The following GPR65 variants were observed in gnomAD, a reference collection of about 807,000 sequenced individuals.
GPR65 encodes G protein-coupled receptor 65.
A neutral mutation model predicts 0.7 loss-of-function variants in GPR65; 2 were observed. That is an observed-to-expected ratio of 2.83 (90% CI 1.16 to 8.92). The LOEUF is 8.92. GPR65 is among the 30% of genes most tolerant of loss of function. The probability of loss-of-function intolerance (pLI) is 0.04; values close to 1 mark genes in which losing one functional copy is unlikely to be tolerated. For missense variants in GPR65, 379 were observed against 399.4 expected, an observed-to-expected ratio of 0.95 and a Z score of 0.43; for synonymous variants, 128 against 146.5, an observed-to-expected ratio of 0.87 and a Z score of 0.91.
At chr14:88,005,792 C>T (rs753322962) in intron 1 of GPR65, among the ~76,000 whole-genome samples, 1 of 152,096 alleles carries the variant, frequency 6.6e-6, no homozygotes, top group Non-Finnish European at 1.5e-5. Context: ...AAATATTGTA[C>T]TTTTGGTCAT....
chr14:88,008,040 G>A (rs1489679649), intron 1 of GPR65, among the ~76,000 whole-genome samples: 1 of 152,058 alleles, frequency 6.6e-6, no homozygotes, highest in Non-Finnish European at 1.5e-5. Flanking sequence ...TATGAGGATA[G>A]AAATAAGATC....
In GPR65 at chr14:88,010,378, T is replaced by C. The variant is rs931413874; in HGVS notation, c.-459-11T>C. The C allele has an allele frequency of 6.4e-6, 1 of 155,376 alleles. No homozygotes were observed. Among genetic ancestry groups the C allele is most frequent in the Non-Finnish European group, 1.4e-5 (1 of 69,966 alleles). The allele number at this position is 155,376 out of a possible 1,614,324, so 9.6% of individuals were successfully genotyped here. ...AACATCTAAACAATTTTAATTCATC[T>C]TTCATTACAGAAGGAAAGGAATTTT... On this transcript the variant is annotated splice_polypyrimidine_tract_variant and intron_variant, in intron 1 of 1. Transcript: ENST00000267549.
chr14:88,008,081 C>A (rs1368526727), intron 1 of GPR65, among the ~76,000 whole-genome samples: 26 of 152,248 alleles, frequency 1.7e-4, no homozygotes, highest in Non-Finnish European at 1.3e-4. Context: ...TATGTTCCAT[C>A]TGTGGGTAAA....
chr14:88,011,412 T>C lies in GPR65; in HGVS notation c.565T>C (p.Cys189Arg). 6.2e-7 allele frequency: 1 copy of C among 1,613,988 alleles called. No individual in the cohort carries two copies. The highest frequency in any genetic ancestry group is 8.5e-7 in the Non-Finnish European group (1 of 1,179,856). ...AATCAACCTCAACTTGTTCAGGACG[T>C]GTACAGGCTATGCAATACCTTTGGT... ...WQINLNLFRT[C>R]TGYAIPLVTI... Residue 189 changes from cysteine to arginine, a missense_variant, in exon 2 of 2, where the codon TGT (cysteine) becomes CGT (arginine). By Grantham distance (180) the Cys-to-Arg change is radical. Coordinates refer to ENST00000267549, the MANE Select transcript of GPR65 (RefSeq NM_003608.4).
chr14:88,007,661 A>T (rs943421228), intron 1 of GPR65, among the ~76,000 whole-genome samples: 1 of 150,322 alleles, frequency 6.7e-6, no homozygotes, highest in Non-Finnish European at 1.5e-5. Flanking sequence ...GTTTCTTTAA[A>T]CATATTAAAC....
intron 1 of GPR65, among the ~76,000 whole-genome samples, chr14:88,009,349 T>G (rs1346390419): frequency 6.6e-6 from 1 of 152,216 alleles, no homozygotes; most frequent in East Asian, 1.9e-4. Context: ...ATTTTATTCC[T>G]GTTTTTTAGG....
intron 1 of GPR65, among the ~76,000 whole-genome samples, chr14:88,005,796 T>C (rs908238996): frequency 1.3e-5 from 2 of 152,218 alleles, no homozygotes; most frequent in African/African-American, 4.8e-5. Context: ...ATTGTACTTT[T>C]GGTCATCGTC....
intron 1 of GPR65, among the ~76,000 whole-genome samples, chr14:88,009,851 A>G (rs1165301661): frequency 6.6e-6 from 1 of 152,220 alleles, no homozygotes; most frequent in East Asian, 1.9e-4. Flanking sequence ...GATAAACAGA[A>G]GTAGGATTGT....
intron 1 of GPR65, among the ~76,000 whole-genome samples, chr14:88,007,792 A>ATGTGTG (rs3994051): frequency 0.024 from 3,267 of 136,184 alleles, 82 homozygotes; most frequent in South Asian, 0.066. Context: ...CTCTGTGTGT[A>ATGTGTG]TGTGTGTGTG....
chr14:88,011,158 T>A lies in GPR65; in HGVS notation c.311T>A (p.Phe104Tyr), dbSNP rs745560553. ...MYMNFYSSTAFLTCIAVDRYL... is the reference protein window; with the variant it reads ...MYMNFYSSTAYLTCIAVDRYL... ...ATGAATTTTTACAGCAGCACAGCAT[T>A]CCTCACCTGCATTGCCGTTGATCGG... The change falls in exon 2 of 2, where the codon TTC becomes TAC. Residue 104 changes from phenylalanine to tyrosine, a missense_variant. Transcript: ENST00000267549. 1.9e-6 allele frequency: 3 copies of A among 1,613,766 alleles called. No individual in the cohort carries two copies. Among genetic ancestry groups the A allele is most frequent in the Non-Finnish European group, 2.5e-6 (3 of 1,179,758 alleles).
In GPR65 at chr14:88,013,355, G is replaced by C. The variant is rs993168022; in HGVS notation, c.*1494G>C. On this transcript the variant is annotated 3_prime_UTR_variant, in exon 2 of 2. Transcript: ENST00000267549. ...CGTGAGCCACCATGCCTGGCAAAGA[G>C]AGTCTTGATACAACATATTCTTTTG... 1.3e-5 allele frequency: 2 copies of C among 152,094 alleles called. No individual in the cohort carries two copies. The highest frequency in any genetic ancestry group is 4.8e-5 in the African/African-American group (2 of 41,398). The allele number at this position is 152,094 out of a possible 1,614,324, so 9.4% of individuals were successfully genotyped here.
chr14:88,007,713 C>G (rs1056704836), intron 1 of GPR65, among the ~76,000 whole-genome samples: 6 of 150,002 alleles, frequency 4.0e-5, no homozygotes, highest in Non-Finnish European at 7.4e-5. Flanking sequence ...AATTTTATCT[C>G]TAAAGTTTTG....
At position 88,011,594 on chromosome 14, in the gene GPR65, C is replaced by A; in HGVS notation, c.747C>A (p.Arg249=). 6.2e-7 allele frequency: 1 copy of A among 1,614,072 alleles called. No homozygotes were observed. Among genetic ancestry groups the A allele is most frequent in the Non-Finnish European group, 8.5e-7 (1 of 1,179,958 alleles). The change falls in exon 2 of 2, where the codon CGC becomes CGA. Residue 249 remains arginine, a synonymous_variant. Coordinates refer to ENST00000267549, the MANE Select transcript of GPR65 (RefSeq NM_003608.4). The part of the protein sequence containing the change: ...FTPFHVMLLI[R]CILEHAVNFE... ...CCTTTCATGTGATGTTGCTGATTCG[C>A]TGCATTTTAGAGCATGCTGTGAACT...
At position 88,011,989 on chromosome 14, in the gene GPR65, T is replaced by G; in HGVS notation, c.*128T>G. 1 of 670,376 alleles carries G rather than the reference T, an allele frequency of 1.5e-6. No homozygotes were observed. The highest frequency in any genetic ancestry group is 2.5e-6 in the Non-Finnish European group (1 of 392,336). 41.5% of individuals were successfully genotyped at this position (670,376 alleles called of 1,614,324 possible). On this transcript the variant is annotated 3_prime_UTR_variant, in exon 2 of 2. Coordinates refer to ENST00000267549, the MANE Select transcript of GPR65 (RefSeq NM_003608.4). Reference sequence around the variant, plus strand: ...TTCTCAGAGTGATGTTTTAATCCAGTCCAATAAAAATATCTTAAAACTGCA... The same window carrying G: ...TTCTCAGAGTGATGTTTTAATCCAGGCCAATAAAAATATCTTAAAACTGCA...
chr14:88,009,412 T>C (rs1248315041), intron 1 of GPR65, among the ~76,000 whole-genome samples: 1 of 152,176 alleles, frequency 6.6e-6, no homozygotes, highest in Non-Finnish European at 1.5e-5. Context: ...AAGAGTGAAA[T>C]ATGATATATT....
In GPR65 at chr14:88,012,925, C is replaced by A. The variant is rs1724428701; in HGVS notation, c.*1064C>A. 1.3e-5 allele frequency: 2 copies of A among 151,974 alleles called. No homozygotes were observed. The highest frequency in any genetic ancestry group is 1.5e-5 in the Non-Finnish European group (1 of 68,004). 9.4% of individuals were successfully genotyped at this position (151,974 alleles called of 1,614,324 possible). A position where few individuals can be genotyped will look rare whatever the true frequency, so the allele number is the denominator to read the frequency against. On this transcript the variant is annotated 3_prime_UTR_variant, in exon 2 of 2. Coordinates refer to ENST00000267549, the MANE Select transcript of GPR65 (RefSeq NM_003608.4). ...TAGGCTCTGAGTTTTATTTTGATCT[C>A]TTTTTAATTTATAACTGGGTATAAC... is the stretch of plus-strand genomic sequence containing the variant.
chr14:88,007,289 T>A (rs1287083471), intron 1 of GPR65, among the ~76,000 whole-genome samples: 1 of 152,158 alleles, frequency 6.6e-6, no homozygotes, highest in African/African-American at 2.4e-5. Context: ...TCAAGATTCC[T>A]TCATCAGTTC....
rs1887681037 is a variant in GPR65 at position 88,011,500 on chromosome 14, A to T, written c.653A>T (p.Asn218Ile). 1 of 1,614,002 alleles carries T rather than the reference A, an allele frequency of 6.2e-7. No homozygotes were observed. The highest frequency in any genetic ancestry group is 2.2e-5 in the East Asian group (1 of 44,894). ...GTGCGGCACAATAAAGCCACGGAAA[A>T]CAAGGAAAAGAAGAGAATCATAAAA... ...QAVRHNKATENKEKKRIIKLL... is the reference protein window; with the variant it reads ...QAVRHNKATEIKEKKRIIKLL... The change falls in exon 2 of 2, where the codon AAC becomes ATC. Residue 218 changes from asparagine to isoleucine, a missense_variant. Physicochemically the swap from Asn to Ile is moderately radical, Grantham distance 149 (BLOSUM62 -3). Transcript: ENST00000267549.
In GPR65 at chr14:88,011,845, T is replaced by G; in HGVS notation, c.998T>G (p.Leu333Ter). ...GTGTCTACAAAAGATACTATGGAAT[T>G]AGAGGTCCTTGAGTAGAACCAAGGA... ...LSVSTKDTME[L>*]EVLE is the part of the protein sequence containing the mutation. Residue 333 changes from leucine (L) to a stop codon, truncating the protein, a stop_gained, in exon 2 of 2, where the codon TTA (leucine) becomes TGA (stop). Coordinates refer to ENST00000267549, the MANE Select transcript of GPR65 (RefSeq NM_003608.4). LOFTEE classifies it high-confidence loss of function. The G allele has an allele frequency of 6.4e-7, 1 of 1,561,138 alleles. No individual in the cohort carries two copies. The highest frequency in any genetic ancestry group is 8.7e-7 in the Non-Finnish European group (1 of 1,153,188).
Sources: gnomAD v4.1 joint callset for allele counts (sites outside exome capture counted in the v4.1 genomes callset) on GRCh38, gnomAD v4.1.1 for gene constraint, MANE v1.5 for transcripts, NCBI Gene and HGNC (gene_info 2026-07-23, HGNC 2026-07-21) for gene names.